ADCY1: variants seen among roughly 807,000 people sequenced by gnomAD.
ADCY1 encodes the protein adenylate cyclase type 1.
In ADCY1, 28 loss-of-function variants were observed where a neutral mutation model predicts 105.4. That is an observed-to-expected ratio of 0.27 (90% CI 0.20 to 0.36). ADCY1 has a LOEUF of 0.36. Among genes scored for constraint, ADCY1 ranks in the 10% least tolerant of loss-of-function variants. The pLI is 1.00. For synonymous variants in ADCY1, 655 were observed against 623.8 expected (o/e 1.05, Z -0.75); for missense variants, 977 against 1,434.2 (o/e 0.68, Z 5.15).
At position 45,660,114 on chromosome 7, in the gene ADCY1, T is replaced by C. The variant is rs772375306; in HGVS notation, c.1380T>C (p.His460=). The C allele has an allele frequency of 1.2e-6, 2 of 1,614,200 alleles. No individual in the cohort carries two copies. Among genetic ancestry groups the C allele is most frequent in the South Asian group, 2.2e-5 (2 of 91,084 alleles). The change falls in exon 7 of 20, where the codon CAT becomes CAC. Residue 460 remains histidine, a synonymous_variant. Coordinates refer to ENST00000297323, the MANE Select transcript of ADCY1 (RefSeq NM_021116.4). ...GDYEVEPGYG[H]ERNSFLKTHN... ...ACGAGGTAGAACCGGGTTACGGACA[T>C]GAGAGGAACAGTTTCTTGAAAACTC...
chr7:45,704,586 T>A lies in ADCY1; in HGVS notation c.2787T>A (p.Ala929=), dbSNP rs1242747213. 6.2e-7 allele frequency: 1 copy of A among 1,614,218 alleles called. No individual in the cohort carries two copies. ...IKTIGSTYMA[A]VGLAPTSGTK... ...CCATCGGGAGCACCTACATGGCCGCTGTGGGGCTAGCGCCCACCTCGGGGA... is the reference window on the plus strand; with the variant it reads ...CCATCGGGAGCACCTACATGGCCGCAGTGGGGCTAGCGCCCACCTCGGGGA... The change falls in exon 17 of 20, where the codon GCT becomes GCA. Residue 929 remains alanine (A), a synonymous_variant. Transcript: ENST00000297323.
chr7:45,667,254 G>A (rs1784280155), intron 8 of ADCY1, among the ~76,000 whole-genome samples: 1 of 152,118 alleles, frequency 6.6e-6, no homozygotes, highest in African/African-American at 2.4e-5. Context: ...AGGTTTTTAT[G>A]GTTTTAGGTC....
At chr7:45,697,100 C>T (rs1228932837) in intron 14 of ADCY1, among the ~76,000 whole-genome samples, 2 of 152,206 alleles carry the variant, frequency 1.3e-5, no homozygotes, top group South Asian at 4.1e-4. Flanking sequence ...AAACTTCAGT[C>T]ACTGAAACTG....
At chr7:45,652,084 G>A (rs1448037491) in intron 5 of ADCY1, among the ~76,000 whole-genome samples, 5 of 152,120 alleles carry the variant, frequency 3.3e-5, no homozygotes, top group Admixed American at 6.5e-5. Flanking sequence ...AGGCAAGCAC[G>A]TCTTCTCATG....
chr7:45,688,645 T>TCA (rs942365609), intron 14 of ADCY1, among the ~76,000 whole-genome samples: 8 of 151,934 alleles, frequency 5.3e-5, no homozygotes, highest in Non-Finnish European at 1.0e-4. Context: ...TATACATACA[T>TCA]CACACACACA....
In ADCY1 at chr7:45,575,037, A is replaced by C. The variant is rs760033357; in HGVS notation, c.494A>C (p.Gln165Pro). ...GPATAEQGVW[Q>P]LLLVTFVSYA... ...GCGACCGCCGAACAAGGGGTTTGGCAGCTCCTTTTGGTCACCTTCGTGTCC... is the reference window on the plus strand; with the variant it reads ...GCGACCGCCGAACAAGGGGTTTGGCCGCTCCTTTTGGTCACCTTCGTGTCC... The change falls in exon 1 of 20, where the codon CAG (glutamine) becomes CCG (proline). Residue 165 changes from glutamine (Q) to proline (P), a missense_variant. This residue lies in a region of ADCY1 where 196 missense variants were observed against 347.8 expected (regional missense o/e 0.56). Coordinates refer to ENST00000297323, the MANE Select transcript of ADCY1 (RefSeq NM_021116.4). The surrounding 1 kb of genome is among the most constrained non-coding windows in gnomAD (Gnocchi z 4.7). 1 of 1,612,472 alleles carries C rather than the reference A, an allele frequency of 6.2e-7. No individual in the cohort carries two copies.
In ADCY1 at chr7:45,660,330, AC is replaced by A; in HGVS notation, c.1449+148del. On this transcript the variant is annotated intron_variant, in intron 7 of 19. Coordinates refer to ENST00000297323, the MANE Select transcript of ADCY1 (RefSeq NM_021116.4). Reference sequence around the variant, plus strand: ...AAGATGGGGAGAGTTGTCCCCACTGACACCGTCCTGAGCCTTGTCTCTTACT... The same window carrying A: ...AAGATGGGGAGAGTTGTCCCCACTGAACCGTCCTGAGCCTTGTCTCTTACT... 2.6e-6 allele frequency: 3 copies of A among 1,172,102 alleles called. No homozygotes were observed. The South Asian group carries it at 4.6e-5, about 18-fold the overall frequency. 72.6% of individuals were successfully genotyped at this position (1,172,102 alleles called of 1,614,324 possible). A position where few individuals can be genotyped will look rare whatever the true frequency, so the allele number is the denominator to read the frequency against.
At chr7:45,700,409 A>G (rs1784975381) in intron 14 of ADCY1, among the ~76,000 whole-genome samples, 2 of 152,162 alleles carry the variant, frequency 1.3e-5, no homozygotes, top group Admixed American at 6.5e-5. Flanking sequence ...CCAAAGTTAG[A>G]GACTAAGTTC....
rs746542658 is a variant in ADCY1 at position 45,722,564 on chromosome 7, CAAT to C, written c.*8570_*8572del. The C allele has an allele frequency of 6.6e-6, 1 of 152,256 alleles. No homozygotes were observed. Among genetic ancestry groups the C allele is most frequent in the African/African-American group, 2.4e-5 (1 of 41,450 alleles). 9.4% of individuals were successfully genotyped at this position (152,256 alleles called of 1,614,324 possible). A position where few individuals can be genotyped will look rare whatever the true frequency, so the allele number is the denominator to read the frequency against. On this transcript the variant is annotated 3_prime_UTR_variant, in exon 20 of 20. Coordinates refer to ENST00000297323, the MANE Select transcript of ADCY1 (RefSeq NM_021116.4). Reference sequence around the variant, plus strand: ...GATTGCACACCCCCCGCTCAAACAACAATGTCCTTATTATGATGACCATCTCGT... The same window carrying C: ...GATTGCACACCCCCCGCTCAAACAACGTCCTTATTATGATGACCATCTCGT...
chr7:45,685,459 G>A (rs1042185361), intron 12 of ADCY1, among the ~76,000 whole-genome samples: 7 of 151,878 alleles, frequency 4.6e-5, no homozygotes, highest in African/African-American at 1.5e-4. Flanking sequence ...TGTAGTGGGA[G>A]TAACAGGATA....
chr7:45,648,815 C>A lies in ADCY1; in HGVS notation c.1148+18C>A, dbSNP rs1195593281. 2.5e-6 allele frequency: 4 copies of A among 1,612,108 alleles called. No individual in the cohort carries two copies. The highest frequency in any genetic ancestry group is 3.4e-6 in the Non-Finnish European group (4 of 1,178,682). ...ACCATCACGTAAGTACCCCGTGGGGCTGAGAGGAGTGGCCTGGGGCATCTA... is the reference window on the plus strand; with the variant it reads ...ACCATCACGTAAGTACCCCGTGGGGATGAGAGGAGTGGCCTGGGGCATCTA... On this transcript the variant is annotated intron_variant, in intron 5 of 19. Coordinates refer to ENST00000297323, the MANE Select transcript of ADCY1 (RefSeq NM_021116.4).
intron 14 of ADCY1, among the ~76,000 whole-genome samples, chr7:45,699,735 T>C (rs548805262): frequency 3.3e-5 from 5 of 152,124 alleles, no homozygotes; most frequent in Non-Finnish European, 7.4e-5. Flanking sequence ...CTACTCCTGG[T>C]ACTCTGAGGT....
In ADCY1 at chr7:45,601,569, T is replaced by C. The variant is rs883988; in HGVS notation, c.789+8661T>C. On this transcript the variant is annotated intron_variant, in intron 2 of 19. Coordinates refer to ENST00000297323, the MANE Select transcript of ADCY1 (RefSeq NM_021116.4). Reference sequence around the variant, plus strand: ...CAGTCCTCCTTCTGGTTTGTCTCGATGGTGATTTTACCTTGTGGAGCAATG... The same window carrying C: ...CAGTCCTCCTTCTGGTTTGTCTCGACGGTGATTTTACCTTGTGGAGCAATG... Among the ~76,000 whole-genome samples, 1,180 of 152,202 alleles carry C rather than the reference T, an allele frequency of 7.8e-3. 61 individuals are homozygous for C. In the East Asian group the frequency reaches 0.12, roughly 15 times the overall value.
chr7:45,624,380 G>A (rs2115936166), intron 4 of ADCY1, among the ~76,000 whole-genome samples: 2 of 152,180 alleles, frequency 1.3e-5, no homozygotes, highest in Middle Eastern at 6.8e-3. Flanking sequence ...GGGGATTTTG[G>A]ACGCTACTCC....
At position 45,660,044 on chromosome 7, in the gene ADCY1, A is replaced by G. The variant is rs1250488516; in HGVS notation, c.1310A>G (p.Lys437Arg). The G allele has an allele frequency of 3.1e-6, 5 of 1,614,118 alleles. No homozygotes were observed. The highest frequency in any genetic ancestry group is 2.7e-5 in the African/African-American group (2 of 75,060). The change falls in exon 7 of 20, where the codon AAG becomes AGG. Residue 437 changes from lysine (K) to arginine (R), a missense_variant and splice_region_variant. Around this residue, in one of 7 missense-constraint regions of ADCY1, gnomAD observed 66 missense variants for 127.2 expected, o/e 0.52. Coordinates refer to ENST00000297323, the MANE Select transcript of ADCY1 (RefSeq NM_021116.4). ...NVMEAAGLPG[K>R]VHITKTTLAC... ...GCCTCTGCCTCCTCCTTTTGTAGGA[A>G]GGTTCATATCACAAAGACGACCCTA...
At chr7:45,613,556 C>A (rs1469448411) in intron 3 of ADCY1, among the ~76,000 whole-genome samples, 1 of 152,016 alleles carries the variant, frequency 6.6e-6, no homozygotes, top group Non-Finnish European at 1.5e-5. Context: ...TATATATTTT[C>A]ATCATATATT....
In ADCY1 at chr7:45,720,150, G is replaced by A. The variant is rs1228103612; in HGVS notation, c.*6155G>A. 6.6e-6 allele frequency: 1 copy of A among 152,056 alleles called. No homozygotes were observed. The highest frequency in any genetic ancestry group is 6.5e-5 in the Admixed American group (1 of 15,272). 9.4% of individuals were successfully genotyped at this position (152,056 alleles called of 1,614,324 possible). A position where few individuals can be genotyped will look rare whatever the true frequency, so the allele number is the denominator to read the frequency against. ...ATTCTCTCTCAGCTGTGCAGTGGAA[G>A]AGCAACAACAGACAGGTGACCTTCT... On this transcript the variant is annotated 3_prime_UTR_variant, in exon 20 of 20. Coordinates refer to ENST00000297323, the MANE Select transcript of ADCY1 (RefSeq NM_021116.4).
chr7:45,686,850 G>A lies in ADCY1; in HGVS notation c.2454+177G>A, dbSNP rs1476132584. 1.3e-5 allele frequency among the ~76,000 whole-genome samples: 2 copies of A among 152,222 alleles called. No homozygotes were observed. The highest frequency in any genetic ancestry group is 2.9e-5 in the Non-Finnish European group (2 of 68,036). On this transcript the variant is annotated intron_variant, in intron 14 of 19. Coordinates refer to ENST00000297323, the MANE Select transcript of ADCY1 (RefSeq NM_021116.4). This position sits in a 1 kb window ranked among gnomAD's most constrained non-coding sequence, Gnocchi z 4.3. ...GGGGATGGAGGAGACCTATGCTGGGGGTGCAGGGAGTGGGAGCCATGCCTC... is the reference window on the plus strand; with the variant it reads ...GGGGATGGAGGAGACCTATGCTGGGAGTGCAGGGAGTGGGAGCCATGCCTC...
At chr7:45,689,723 C>A (rs1279574984) in intron 14 of ADCY1, among the ~76,000 whole-genome samples, 5 of 152,208 alleles carry the variant, frequency 3.3e-5, no homozygotes, top group African/African-American at 9.7e-5. Context: ...CAGAGGAATG[C>A]AGGCTGTGGC....
Sources: allele counts gnomAD v4.1 joint callset (sites outside exome capture counted in the v4.1 genomes callset), GRCh38; gene constraint gnomAD v4.1.1; regional missense constraint gnomAD v4.1.1; non-coding constraint Gnocchi (gnomAD v3.1); transcripts MANE v1.5; gene names NCBI Gene and HGNC (gene_info 2026-07-23, HGNC 2026-07-21).